The following PTPN4 variants were observed in gnomAD, a reference collection of about 807,000 sequenced individuals.
PTPN4 encodes tyrosine-protein phosphatase non-receptor type 4.
PTPN4 carries 49 observed loss-of-function variants against 135.5 expected under a neutral mutation model. That is an observed-to-expected ratio of 0.36 (90% CI 0.29 to 0.46). PTPN4 has a LOEUF of 0.46. Ranked by LOEUF, PTPN4 falls within the 20% of genes least tolerant of loss-of-function variation. The probability of loss-of-function intolerance (pLI) is 1.00; values close to 1 mark genes in which losing one functional copy is unlikely to be tolerated. For missense variants in PTPN4, 860 were observed against 1,101.0 expected, an observed-to-expected ratio of 0.78 and a Z score of 3.10; for synonymous variants, 333 against 369.9, an observed-to-expected ratio of 0.90 and a Z score of 1.14.
Position 119,898,523 on chromosome 2 carries a change from G to C in PTPN4, c.676-2195G>C, listed in dbSNP as rs920026578. On this transcript the variant is annotated intron_variant, in intron 9 of 26. Transcript: ENST00000263708. ...CCATTCATGCTGCAAAAGAGTACAA[G>C]GTACTTTTTTCAATGCCTACGAGGT... Among the ~76,000 whole-genome samples, 4 of 152,154 alleles carry C rather than the reference G, an allele frequency of 2.6e-5. No homozygotes were observed. In the East Asian group the frequency reaches 7.7e-4, roughly 29 times the overall value.
intron 2 of PTPN4, among the ~76,000 whole-genome samples, chr2:119,823,795 T>C (rs527863945): frequency 3.9e-5 from 6 of 152,296 alleles, no homozygotes; most frequent in East Asian, 3.9e-4. Context: ...TTTCTTCCAA[T>C]AGAATCTGTT....
At position 119,862,616 on chromosome 2, in the gene PTPN4, G is replaced by C. The variant is rs1277603692; in HGVS notation, c.219G>C (p.Gln73His). 3.1e-6 allele frequency: 5 copies of C among 1,612,076 alleles called. No individual in the cohort carries two copies. Among genetic ancestry groups the C allele is most frequent in the Non-Finnish European group, 4.2e-6 (5 of 1,178,784 alleles). ...CTGAGCAGGACTATTTTGGTTTACA[G>C]TTGGCTGATGATTCCACAGATAACC... ...DLTEQDYFGL[Q>H]LADDSTDNPR... is the part of the protein sequence containing the mutation. Residue 73 changes from glutamine to histidine, a missense_variant, in exon 3 of 27, where the codon CAG becomes CAC. Gln to His is a conservative substitution (Grantham distance 24, BLOSUM62 0). Around this residue, in one of 2 missense-constraint regions of PTPN4, gnomAD observed 684 missense variants for 807.0 expected, o/e 0.85. Coordinates refer to ENST00000263708, the MANE Select transcript of PTPN4 (RefSeq NM_002830.4).
At position 119,984,589 on chromosome 2, in the gene PTPN4, T is replaced by G. The variant is rs1040910910; in HGVS notation, c.*7519T>G. Among the ~76,000 whole-genome samples the G allele has an allele frequency of 1.3e-5, 2 of 152,234 alleles. No individual in the cohort carries two copies. The highest frequency in any genetic ancestry group is 1.3e-4 in the Admixed American group (2 of 15,278). ...CTGCATAATTTGAAATCACTCTGCA[T>G]TTGTCACTGCAGCTTACTGTATGCT... On this transcript the variant is annotated 3_prime_UTR_variant, in exon 27 of 27. Transcript: ENST00000263708.
chr2:119,842,858 T>TTGTGTG (rs34432793), intron 2 of PTPN4, among the ~76,000 whole-genome samples: 1 of 150,502 alleles, frequency 6.6e-6, no homozygotes, highest in Admixed American at 6.6e-5. Context: ...ATGCTGTCAT[T>TTGTGTG]TGTGTGTGTG....
intron 3 of PTPN4, among the ~76,000 whole-genome samples, chr2:119,873,305 C>G (rs925286283): frequency 1.3e-5 from 2 of 151,668 alleles, no homozygotes; most frequent in Non-Finnish European, 2.9e-5. Flanking sequence ...TGAAAATGGT[C>G]GAAAGAGTTT....
intron 1 of PTPN4, among the ~76,000 whole-genome samples, chr2:119,780,606 T>G (rs1006066578): frequency 6.6e-6 from 1 of 152,216 alleles, no homozygotes; most frequent in African/African-American, 2.4e-5. Context: ...TGTTTTAGTT[T>G]TATTTCATCA....
At chr2:119,844,523 C>T (rs1233231117) in intron 2 of PTPN4, among the ~76,000 whole-genome samples, 1 of 147,444 alleles carries the variant, frequency 6.8e-6, no homozygotes, top group Non-Finnish European at 1.5e-5. Flanking sequence ...AGAGGGTCTC[C>T]TCACTTCTCA....
At chr2:119,778,869 C>T (rs924892171) in intron 1 of PTPN4, among the ~76,000 whole-genome samples, 2 of 152,058 alleles carry the variant, frequency 1.3e-5, no homozygotes, top group Non-Finnish European at 2.9e-5. Context: ...TCCAGTGTTA[C>T]GCATTCCTGT....
At chr2:119,876,940 T>A in intron 3 of PTPN4, among the ~76,000 whole-genome samples, 1 of 148,594 alleles carries the variant, frequency 6.7e-6, no homozygotes, top group African/African-American at 2.5e-5. Flanking sequence ...TGTGTGTGTG[T>A]GCGTGAAGGG....
At chr2:119,865,281 C>T (rs1677816259) in intron 3 of PTPN4, among the ~76,000 whole-genome samples, 1 of 152,028 alleles carries the variant, frequency 6.6e-6, no homozygotes, top group Non-Finnish European at 1.5e-5. Flanking sequence ...GAAAAAGATG[C>T]TATGCTTCAA....
At chr2:119,945,299 A>T in intron 16 of PTPN4, 59 bp downstream of exon 16, 1 of 1,443,900 alleles carries the variant, frequency 6.9e-7, no homozygotes, top group Non-Finnish European at 9.2e-7. Context: ...CCTAAATGAA[A>T]TTTCTTTTGT....
intron 9 of PTPN4, among the ~76,000 whole-genome samples, chr2:119,890,997 TC>T (rs1678231942): frequency 6.6e-6 from 1 of 152,184 alleles, no homozygotes; most frequent in African/African-American, 2.4e-5. Context: ...ATGAGACACT[TC>T]TGCTATTTTT....
intron 1 of PTPN4, among the ~76,000 whole-genome samples, chr2:119,800,118 A>T (rs1017366742): frequency 6.6e-6 from 1 of 152,142 alleles, no homozygotes; most frequent in African/African-American, 2.4e-5. Context: ...TTTTGTTCTC[A>T]TATGTTCTTT....
At chr2:119,959,466 G>T (rs897373356) in intron 22 of PTPN4, among the ~76,000 whole-genome samples, 5 of 152,218 alleles carry the variant, frequency 3.3e-5, no homozygotes, top group African/African-American at 9.6e-5. Context: ...GGGGCCAGGC[G>T]CAGTAGCGCA....
intron 2 of PTPN4, among the ~76,000 whole-genome samples, chr2:119,848,557 T>A (rs1234744449): frequency 6.6e-6 from 1 of 152,044 alleles, no homozygotes; most frequent in Non-Finnish European, 1.5e-5. Context: ...ATTGGTGGGC[T>A]CTTAATGGTG....
At position 119,881,778 on chromosome 2, in the gene PTPN4, T is replaced by C; in HGVS notation, c.369-8T>C. On this transcript the variant is annotated splice_polypyrimidine_tract_variant and splice_region_variant and intron_variant, in intron 5 of 26. Coordinates refer to ENST00000263708, the MANE Select transcript of PTPN4 (RefSeq NM_002830.4). ...AAATGCTATCCTTTTTGTTTGTTTG[T>C]TTTTAAGGTACCAGTATTTTTTGCA... 1 of 1,539,044 alleles carries C rather than the reference T, an allele frequency of 6.5e-7. No individual in the cohort carries two copies. Among genetic ancestry groups the C allele is most frequent in the Non-Finnish European group, 8.9e-7 (1 of 1,121,930 alleles).
At chr2:119,818,428 T>C (rs1289075837) in intron 2 of PTPN4, among the ~76,000 whole-genome samples, 3 of 152,238 alleles carry the variant, frequency 2.0e-5, no homozygotes, top group Non-Finnish European at 4.4e-5. Flanking sequence ...TTGCATGGCC[T>C]ATAGCTAAGA....
chr2:119,955,173 G>A lies in PTPN4; in HGVS notation c.1830G>A (p.Val610=), dbSNP rs758551831. The A allele has an allele frequency of 1.9e-6, 3 of 1,607,262 alleles. No individual in the cohort carries two copies. The highest frequency in any genetic ancestry group is 1.7e-6 in the Non-Finnish European group (2 of 1,177,908). The stretch of plus-strand genomic sequence containing the variant: ...TTTTTTTAGCTGTATATGATGTAGT[G>A]GAAGAAAAGCTAGAAAATGAGCCAG... ...LVRPNAVYDV[V]EEKLENEPDF... is the part of the protein sequence containing the mutation. Residue 610 remains valine, a synonymous_variant, in exon 20 of 27, where the codon GTG becomes GTA. Coordinates refer to ENST00000263708, the MANE Select transcript of PTPN4 (RefSeq NM_002830.4).
In PTPN4 at chr2:119,844,217, G is replaced by A. The variant is rs1474837576; in HGVS notation, c.139-18319G>A. ...GGGCAGAGGGGCTCCTCACTTCCCA[G>A]TAGGGGCGGGCGGGCAGAGGCGCCC... On this transcript the variant is annotated intron_variant, in intron 2 of 26. Transcript: ENST00000263708. Among the ~76,000 whole-genome samples, 30 of 133,672 alleles carry A rather than the reference G, an allele frequency of 2.2e-4. No individual in the cohort carries two copies. In the South Asian group the frequency reaches 7.5e-3, roughly 33 times the overall value. 87.7% of individuals were successfully genotyped at this position (133,672 alleles called of 152,430 possible).
Sources: gnomAD v4.1 joint callset for allele counts (sites outside exome capture counted in the v4.1 genomes callset) on GRCh38, gnomAD v4.1.1 for gene constraint, gnomAD v4.1.1 regional missense constraint, MANE v1.5 for transcripts, NCBI Gene and HGNC (gene_info 2026-07-23, HGNC 2026-07-21) for gene names.